ESCO2: variants seen among roughly 807,000 people sequenced by gnomAD.
ESCO2 encodes N-acetyltransferase ESCO2.
Under a neutral mutation model 61.7 loss-of-function variants are expected in ESCO2, and 51 were observed. The observed-to-expected ratio is 0.83, with a 90% CI of 0.66 to 1.04. ESCO2 has a LOEUF of 1.04. Among genes scored for constraint, ESCO2 ranks in the 50% least tolerant of loss-of-function variants. ESCO2 has a pLI of 0.00. For missense variants in ESCO2, 692 were observed against 686.2 expected (o/e 1.01, Z -0.09); for synonymous variants, 230 against 238.2 (o/e 0.97, Z 0.32).
intron 10 of ESCO2, among the ~76,000 whole-genome samples, chr8:27,802,267 T>TC (rs1407461687): frequency 1.3e-5 from 2 of 151,770 alleles, no homozygotes; most frequent in African/African-American, 4.8e-5. Flanking sequence ...GATTAGTTTT[T>TC]CCCTTCTTAA....
chr8:27,815,925 G>A (rs1322557926), downstream of ESCO2, among the ~76,000 whole-genome samples: 1 of 152,106 alleles, frequency 6.6e-6, no homozygotes, highest in Non-Finnish European at 1.5e-5. Flanking sequence ...ATAAACTAAT[G>A]GTTCAGTCAT....
chr8:27,801,143 C>T (rs536887533), intron 10 of ESCO2, among the ~76,000 whole-genome samples: 1 of 152,202 alleles, frequency 6.6e-6, no homozygotes, highest in East Asian at 1.9e-4. Context: ...TTCCCATGTA[C>T]ACACTTTGAA....
At chr8:27,777,599 C>T (rs1286236959) in intron 3 of ESCO2, 2 of 154,540 alleles carry the variant, frequency 1.3e-5, no homozygotes, top group Non-Finnish European at 2.9e-5. Context: ...TGCACCTGGC[C>T]CAGCCACATT....
intron 7 of ESCO2, among the ~76,000 whole-genome samples, chr8:27,790,916 G>A (rs1805161195): frequency 6.6e-6 from 1 of 152,126 alleles, no homozygotes; most frequent in East Asian, 1.9e-4. Flanking sequence ...TTTTATAAAT[G>A]TAGCTTCATA....
upstream of ESCO2, among the ~76,000 whole-genome samples, chr8:27,773,943 A>G (rs542125397): frequency 1.3e-5 from 2 of 152,324 alleles, no homozygotes; most frequent in South Asian, 4.1e-4. Flanking sequence ...TATTATTTGT[A>G]AAATGGGAAT....
downstream of ESCO2, among the ~76,000 whole-genome samples, chr8:27,807,308 C>G (rs1174832735): frequency 6.6e-6 from 1 of 152,142 alleles, no homozygotes; most frequent in African/African-American, 2.4e-5. Context: ...CTAGGAAGCT[C>G]TCAAACATCT....
chr8:27,793,479 G>GTTTTT (rs67670087), intron 9 of ESCO2, among the ~76,000 whole-genome samples: 9 of 125,510 alleles, frequency 7.2e-5, no homozygotes, highest in Non-Finnish European at 6.7e-5. Flanking sequence ...CTTTTTCTTT[G>GTTTTT]TTTTTTTTTT....
rs780731569 is a variant in ESCO2, at chr8:27,792,103, C to A, written c.1353+51C>A. 6.9e-6 allele frequency: 11 copies of A among 1,583,450 alleles called. No homozygotes were observed. The Admixed American group carries it at 8.4e-5, about 12-fold the overall frequency. ...TTGCCTTTCCCCACCCCCAAGAAAT[C>A]AACCTATGTTGAAGTGCAAACTGCC... On this transcript the variant is annotated intron_variant, in intron 8 of 10. Transcript: ENST00000305188.
Position 27,777,118 on chromosome 8 carries a change from G to T in ESCO2, c.810G>T (p.Leu270Phe). The change falls in exon 3 of 11, where the codon TTG becomes TTT. Residue 270 changes from leucine to phenylalanine, a missense_variant. By Grantham distance (22) the Leu-to-Phe change is conservative. Coordinates refer to ENST00000305188, the MANE Select transcript of ESCO2 (RefSeq NM_001017420.3). Reference protein sequence around the residue: ...VPKCLVLEEKLKIGLLSASSK... With the variant: ...VPKCLVLEEKFKIGLLSASSK... ...AGTGCTTGGTCCTAGAAGAGAAATT[G>T]AAAATTGGACTACTGAGTGCAAGCA... 6.3e-7 allele frequency: 1 copy of T among 1,594,758 alleles called. No homozygotes were observed. Among genetic ancestry groups the T allele is most frequent in the South Asian group, 1.2e-5 (1 of 86,354 alleles).
upstream of ESCO2, among the ~76,000 whole-genome samples, chr8:27,773,336 G>A (rs1249292871): frequency 6.6e-6 from 1 of 152,144 alleles, no homozygotes; most frequent in African/African-American, 2.4e-5. Flanking sequence ...ACTGATGCTT[G>A]TAGTTTCTAT....
chr8:27,791,735 T>TTATAGTCA (rs1433093232), intron 7 of ESCO2, among the ~76,000 whole-genome samples: 1 of 152,200 alleles, frequency 6.6e-6, no homozygotes, highest in African/African-American at 2.4e-5. Flanking sequence ...TTACCTTGTT[T>TTATAGTCA]TATAGTCATA....
downstream of ESCO2, among the ~76,000 whole-genome samples, chr8:27,807,726 T>G (rs1805590737): frequency 6.6e-6 from 1 of 152,160 alleles, no homozygotes; most frequent in African/African-American, 2.4e-5. Context: ...TTTCCCCCCA[T>G]TGGAAGGGAG....
At chr8:27,789,528 C>T (rs552766197) in intron 7 of ESCO2, among the ~76,000 whole-genome samples, 23 of 152,180 alleles carry the variant, frequency 1.5e-4, no homozygotes, top group African/African-American at 5.5e-4. Context: ...TCCTGTAATC[C>T]CAGCATTTTG....
intron 9 of ESCO2, among the ~76,000 whole-genome samples, chr8:27,794,528 A>G (rs1054657747): frequency 6.6e-6 from 1 of 151,974 alleles, no homozygotes; most frequent in South Asian, 2.1e-4. Flanking sequence ...TTTTTTTCCA[A>G]TCAGTAGGTT....
At chr8:27,775,354 G>A (rs373357570) in intron 1 of ESCO2, 145 bp from the exon 2 acceptor site, 4 of 713,616 alleles carry the variant, frequency 5.6e-6, no homozygotes, top group East Asian at 5.2e-5. Flanking sequence ...AACCCTTGGA[G>A]GGGTGGAAGG....
chr8:27,797,406 T>C (rs191874497), intron 9 of ESCO2, among the ~76,000 whole-genome samples: 109 of 152,318 alleles, frequency 7.2e-4, no homozygotes, highest in East Asian at 2.7e-3. Context: ...CTGTTCTCTT[T>C]CGGTTTCCAT....
intron 8 of ESCO2, 86 bp downstream of exon 8, chr8:27,792,138 A>C: frequency 7.9e-7 from 1 of 1,263,778 alleles, no homozygotes; most frequent in Non-Finnish European, 1.2e-6. Flanking sequence ...CTTTGCTGAC[A>C]GATAATTCAC....
chr8:27,806,215 G>A (rs544268252), downstream of ESCO2, among the ~76,000 whole-genome samples: 8 of 152,236 alleles, frequency 5.3e-5, no homozygotes, highest in Non-Finnish European at 1.0e-4. Flanking sequence ...TTTGTGGGCA[G>A]AAGACATGCA....
At chr8:27,772,706 C>T (rs1469395323), upstream of ESCO2, 2 of 631,752 alleles carry the variant, frequency 3.2e-6, no homozygotes, top group Non-Finnish European at 2.8e-6. Context: ...CATTTTTAAT[C>T]CTGGCGAGGC....
Sources: allele counts gnomAD v4.1 joint callset (sites outside exome capture counted in the v4.1 genomes callset), GRCh38; gene constraint gnomAD v4.1.1; transcripts MANE v1.5; gene names NCBI Gene and HGNC (gene_info 2026-07-23, HGNC 2026-07-21).